The following SETD5 variants were observed in gnomAD, a reference collection of about 807,000 sequenced individuals.
SETD5 encodes the protein histone-lysine N-methyltransferase SETD5.
In SETD5, 44 loss-of-function variants were observed where a neutral mutation model predicts 153.3. That is an observed-to-expected ratio of 0.29 (90% CI 0.23 to 0.37). The LOEUF is 0.37. Among genes scored for constraint, SETD5 ranks in the 10% least tolerant of loss-of-function variants. The pLI is 1.00. For synonymous variants in SETD5, 716 were observed against 645.2 expected (o/e 1.11, Z -1.66); for missense variants, 1,544 against 1,768.0 (o/e 0.87, Z 2.27).
chr3:9,436,803 T>G, intron 7 of SETD5: 1 of 1,526,590 alleles, frequency 6.6e-7, no homozygotes, highest in Non-Finnish European at 8.9e-7. Context: ...ACTGTCATTC[T>G]TGGTACCAAG....
intron 16 of SETD5, among the ~76,000 whole-genome samples, chr3:9,451,002 T>A (rs931809725): frequency 1.3e-5 from 2 of 152,216 alleles, no homozygotes; most frequent in Admixed American, 1.3e-4. Flanking sequence ...CATTTTGCAT[T>A]TTTTAGTTCC....
chr3:9,424,906 C>T (rs1268369021), intron 2 of SETD5, among the ~76,000 whole-genome samples: 1 of 152,036 alleles, frequency 6.6e-6, no homozygotes, highest in African/African-American at 2.4e-5. Context: ...GAAGCCTCAT[C>T]ATTATTAAAG....
intron 17 of SETD5, among the ~76,000 whole-genome samples, chr3:9,459,623 C>CA (rs2043689666): frequency 6.9e-6 from 1 of 143,900 alleles, no homozygotes. Context: ...ACAACAACAA[C>CA]AACAAAAAAA....
intron 1 of SETD5, among the ~76,000 whole-genome samples, chr3:9,405,721 T>C (rs1231470244): frequency 6.6e-6 from 1 of 152,236 alleles, no homozygotes; most frequent in Non-Finnish European, 1.5e-5. Context: ...GCATATTTAA[T>C]ACTGTTGATA....
At chr3:9,459,677 C>T (rs573097258) in intron 17 of SETD5, among the ~76,000 whole-genome samples, 30 of 146,500 alleles carry the variant, frequency 2.0e-4, no homozygotes, top group African/African-American at 7.3e-4. Flanking sequence ...CAGCTACTCG[C>T]CACTGCACTC....
rs1334387417 is a variant in SETD5 at position 9,447,224 on chromosome 3, G to A, written c.1699G>A (p.Val567Ile). 6.2e-7 allele frequency: 1 copy of A among 1,613,916 alleles called. No homozygotes were observed. The highest frequency in any genetic ancestry group is 1.7e-5 in the Admixed American group (1 of 60,008). The stretch of plus-strand genomic sequence containing the variant: ...AAAAACTGAAGCCCCTGAATCTGAA[G>A]TTAGCAACTCTGTTTCAAATGTTAC... Reference protein sequence around the residue: ...ETKTEAPESEVSNSVSNVTIP... With the variant: ...ETKTEAPESEISNSVSNVTIP... The change falls in exon 14 of 23, where the codon GTT becomes ATT. Residue 567 changes from valine to isoleucine, a missense_variant. Physicochemically the swap from Val to Ile is conservative, Grantham distance 29. Transcript: ENST00000402198.
rs2045909242 is a variant in SETD5, at chr3:9,477,375, C to G, written c.*1284C>G. 6.6e-6 allele frequency: 1 copy of G among 152,642 alleles called. No individual in the cohort carries two copies. Among genetic ancestry groups the G allele is most frequent in the Admixed American group, 6.5e-5 (1 of 15,278 alleles). 9.5% of individuals were successfully genotyped at this position (152,642 alleles called of 1,614,324 possible). On this transcript the variant is annotated 3_prime_UTR_variant, in exon 23 of 23. Coordinates refer to ENST00000402198, the MANE Select transcript of SETD5 (RefSeq NM_001080517.3). ...TTCTTTCACTTGTTTACTGTAATAT[C>G]TGGCGTGTTTTTATTTATCTAATTT...
At chr3:9,445,878 G>T in intron 13 of SETD5, 138 bp downstream of exon 13, 27 of 338,514 alleles carry the variant, frequency 8.0e-5, no homozygotes, top group South Asian at 1.2e-4. Flanking sequence ...CCGTAATAAA[G>T]ATTTTATTAT....
intron 16 of SETD5, among the ~76,000 whole-genome samples, chr3:9,450,799 T>G (rs890227763): frequency 1.3e-5 from 2 of 152,252 alleles, no homozygotes; most frequent in African/African-American, 4.8e-5. Flanking sequence ...CCTGGCCTTG[T>G]AAGTTAAAAA....
intron 1 of SETD5, among the ~76,000 whole-genome samples, chr3:9,415,900 G>C (rs990099605): frequency 6.7e-5 from 10 of 149,024 alleles, no homozygotes; most frequent in African/African-American, 2.5e-4. Context: ...TTAAAGACAG[G>C]CTCTGGTTCT....
At chr3:9,444,560 G>C (rs1258638643) in intron 11 of SETD5, among the ~76,000 whole-genome samples, 1 of 151,910 alleles carries the variant, frequency 6.6e-6, no homozygotes, top group African/African-American at 2.4e-5. Flanking sequence ...CACTGACCAT[G>C]GAGTAGAATT....
intron 16 of SETD5, among the ~76,000 whole-genome samples, chr3:9,450,073 A>G (rs1403360069): frequency 6.6e-6 from 1 of 152,210 alleles, no homozygotes; most frequent in African/African-American, 2.4e-5. Flanking sequence ...TTCTGTTTCC[A>G]TCTTTTCCAA....
chr3:9,401,743 A>AT (rs1428340595), intron 1 of SETD5, among the ~76,000 whole-genome samples: 1 of 152,204 alleles, frequency 6.6e-6, no homozygotes, highest in African/African-American at 2.4e-5. Flanking sequence ...TTTAAAAATA[A>AT]TTTTTGGCTG....
At chr3:9,444,537 C>CT (rs112373936) in intron 11 of SETD5, among the ~76,000 whole-genome samples, 10,764 of 148,932 alleles carry the variant, frequency 0.072, 557 homozygotes, top group African/African-American at 0.13. Context: ...GGAGGGCTTT[C>CT]TTTTTTTTTT....
At chr3:9,465,003 T>G in intron 18 of SETD5, 5 of 328,644 alleles carry the variant, frequency 1.5e-5, no homozygotes, top group Non-Finnish European at 1.8e-5. Context: ...AATAGGCCTC[T>G]AGCTGCCTGT....
chr3:9,403,638 C>T (rs2035187501), intron 1 of SETD5, among the ~76,000 whole-genome samples: 1 of 152,158 alleles, frequency 6.6e-6, no homozygotes, highest in Non-Finnish European at 1.5e-5. Flanking sequence ...CTGATATTTC[C>T]TGGAGATTAC....
intron 18 of SETD5, chr3:9,468,459 T>C (rs1559483436): frequency 7.7e-7 from 1 of 1,290,464 alleles, no homozygotes; most frequent in Admixed American, 2.3e-5. Flanking sequence ...ATTTTTTGTT[T>C]TGTTTTGCTT....
Position 9,476,596 on chromosome 3 carries a change from A to C in SETD5, c.*505A>C, listed in dbSNP as rs1434571174. ...GGTATGTAAATGTTCATCCTAAGAC[A>C]ACCATTCCAAAAGCAGGTATCTGGC... On this transcript the variant is annotated 3_prime_UTR_variant, in exon 23 of 23. Coordinates refer to ENST00000402198, the MANE Select transcript of SETD5 (RefSeq NM_001080517.3). The C allele has an allele frequency of 6.5e-6, 1 of 154,062 alleles. No individual in the cohort carries two copies. Among genetic ancestry groups the C allele is most frequent in the East Asian group, 1.9e-4 (1 of 5,220 alleles). The allele number at this position is 154,062 out of a possible 1,614,324, so 9.5% of individuals were successfully genotyped here.
intron 17 of SETD5, 187 bp downstream of exon 17, chr3:9,454,055 A>G: frequency 3.7e-6 from 2 of 537,266 alleles, no homozygotes; most frequent in Non-Finnish European, 5.9e-6. Flanking sequence ...GACGACAAAG[A>G]AGGACTAGAC....
Sources: gnomAD v4.1 joint callset for allele counts (sites outside exome capture counted in the v4.1 genomes callset) on GRCh38, gnomAD v4.1.1 for gene constraint, MANE v1.5 for transcripts, NCBI Gene and HGNC (gene_info 2026-07-23, HGNC 2026-07-21) for gene names.